Variants in XKR3 observed in about 807,000 individuals in gnomAD.
XKR3 encodes the protein XK-related protein 3.
XKR3 carries 27 observed loss-of-function variants against 40.3 expected under a neutral mutation model. The ratio of observed to expected loss-of-function variants is 0.67; its 90% CI spans 0.49 to 0.92. XKR3 has a LOEUF of 0.92. XKR3 is among the 40% of genes least tolerant of loss of function. The pLI is 0.00. For missense variants in XKR3, 472 were observed against 537.6 expected, an observed-to-expected ratio of 0.88 and a Z score of 1.21; for synonymous variants, 193 against 195.4, an observed-to-expected ratio of 0.99 and a Z score of 0.10.
intron 3 of XKR3, among the ~76,000 whole-genome samples, chr22:16,799,275 A>T (rs983311797): frequency 6.6e-6 from 1 of 151,478 alleles, no homozygotes; most frequent in Admixed American, 6.6e-5. Context: ...TTAGTCGGGC[A>T]TGGTGGCGGG....
At chr22:16,787,065 A>G (rs1269954850) in intron 3 of XKR3, among the ~76,000 whole-genome samples, 2 of 152,328 alleles carry the variant, frequency 1.3e-5, no homozygotes, top group African/African-American at 4.8e-5. Context: ...AATGGGAGGA[A>G]AAAACTAATA....
intron 2 of XKR3, among the ~76,000 whole-genome samples, chr22:16,800,771 A>G: frequency 6.6e-6 from 1 of 152,204 alleles, no homozygotes; most frequent in Middle Eastern, 3.2e-3. Flanking sequence ...GATACCATGA[A>G]TAAGAAGCAC....
At chr22:16,816,523 C>T (rs1159177692) in intron 1 of XKR3, among the ~76,000 whole-genome samples, 1 of 151,362 alleles carries the variant, frequency 6.6e-6, no homozygotes, top group Non-Finnish European at 1.5e-5. Flanking sequence ...AAAAAAAAAC[C>T]CACACAAATT....
At chr22:16,800,484 C>G (rs898993320) in intron 2 of XKR3, among the ~76,000 whole-genome samples, 11 of 152,082 alleles carry the variant, frequency 7.2e-5, no homozygotes, top group Non-Finnish European at 1.3e-4. Context: ...TGTCAACTGC[C>G]TCAAAGGAAG....
intron 3 of XKR3, among the ~76,000 whole-genome samples, chr22:16,791,768 GGAGAGAGAGGGAGAGAGAGAGA>G (rs1473195567): frequency 6.6e-5 from 4 of 60,360 alleles, no homozygotes; most frequent in Non-Finnish European, 1.2e-4. Context: ...AGGGAGAGAG[GGAGAGAGAGGGAGAGAGAGAGA>G]GAGAGAGAGA....
At chr22:16,817,024 C>A (rs1414740945) in intron 1 of XKR3, among the ~76,000 whole-genome samples, 4 of 151,902 alleles carry the variant, frequency 2.6e-5, no homozygotes, top group Admixed American at 6.6e-5. Flanking sequence ...TGTATTTTCC[C>A]CCACAACTGG....
At chr22:16,791,676 T>TA (rs1162478352) in intron 3 of XKR3, among the ~76,000 whole-genome samples, 29 of 130,352 alleles carry the variant, frequency 2.2e-4, no homozygotes, top group East Asian at 6.6e-4. Flanking sequence ...CCTGTCGATG[T>TA]AAAAAAAAAA....
At chr22:16,816,222 G>C (rs183677084) in intron 1 of XKR3, among the ~76,000 whole-genome samples, 1 of 151,724 alleles carries the variant, frequency 6.6e-6, no homozygotes, top group Non-Finnish European at 1.5e-5. Context: ...AAGATTTTCT[G>C]TCTCTGCCTT....
intron 3 of XKR3, among the ~76,000 whole-genome samples, chr22:16,796,473 C>T (rs1211782148): frequency 1.3e-5 from 2 of 152,192 alleles, no homozygotes; most frequent in African/African-American, 4.8e-5. Context: ...TCTCAGCAAA[C>T]TGGATCTCAC....
At chr22:16,795,693 A>T (rs2146150533) in intron 3 of XKR3, among the ~76,000 whole-genome samples, 1 of 152,310 alleles carries the variant, frequency 6.6e-6, no homozygotes, top group South Asian at 2.1e-4. Flanking sequence ...AAGGCTGCGT[A>T]TGATGACTCA....
chr22:16,795,148 C>T (rs1216868215), intron 3 of XKR3, among the ~76,000 whole-genome samples: 3 of 152,144 alleles, frequency 2.0e-5, no homozygotes, highest in Non-Finnish European at 4.4e-5. Flanking sequence ...GGACTCTGAG[C>T]AATTTACTAA....
intron 3 of XKR3, among the ~76,000 whole-genome samples, chr22:16,788,212 C>T (rs2060099226): frequency 6.6e-6 from 1 of 152,022 alleles, no homozygotes; most frequent in Non-Finnish European, 1.5e-5. Flanking sequence ...TCAATGAAGA[C>T]ATTACACAGA....
In XKR3 at chr22:16,801,975, T is replaced by C. The variant is rs2060171256; in HGVS notation, c.336-1951A>G. Among the ~76,000 whole-genome samples, 3 of 152,180 alleles carry C rather than the reference T, an allele frequency of 2.0e-5. No individual in the cohort carries two copies. The South Asian group carries it at 6.2e-4, about 31-fold the overall frequency. The stretch of plus-strand genomic sequence containing the variant: ...TTCCAAAAAGGAGACATTGTTAAAA[T>C]TTATAAAAAATCATTAATGTAAGTA... On this transcript the variant is annotated intron_variant, in intron 2 of 3. Transcript: ENST00000684488.
chr22:16,787,573 A>T lies in XKR3; in HGVS notation c.590-3164T>A, dbSNP rs1266275119. Among the ~76,000 whole-genome samples the T allele has an allele frequency of 4.4e-4, 67 of 152,146 alleles. No homozygotes were observed. In the East Asian group the frequency reaches 0.012, roughly 26 times the overall value. On this transcript the variant is annotated intron_variant, in intron 3 of 3. Transcript: ENST00000684488. ...AAACTCCGTCTCAAATTAAAAAAAA[A>T]AAAAATAAGCGTATTGTAGGAAAAA...
intron 1 of XKR3, among the ~76,000 whole-genome samples, chr22:16,818,750 C>T (rs139261672): frequency 6.6e-6 from 1 of 152,212 alleles, no homozygotes; most frequent in African/African-American, 2.4e-5. Context: ...TTCCAATTCC[C>T]TAACCAGTGT....
At chr22:16,806,857 A>G (rs771370907) in intron 2 of XKR3, among the ~76,000 whole-genome samples, 8 of 152,252 alleles carry the variant, frequency 5.3e-5, no homozygotes, top group African/African-American at 1.2e-4. Flanking sequence ...CCTAAAAAAT[A>G]TAAAAACTTC....
chr22:16,797,792 C>CA (rs558060655), intron 3 of XKR3, among the ~76,000 whole-genome samples: 20,942 of 87,786 alleles, frequency 0.24, 2,094 homozygotes, highest in Middle Eastern at 0.32. Flanking sequence ...GACTCTGTCT[C>CA]AAAAAAAAAA....
Position 16,799,809 on chromosome 22 carries a change from T to G in XKR3, c.551A>C (p.Tyr184Ser), listed in dbSNP as rs1343241502. 6.2e-7 allele frequency: 1 copy of G among 1,613,996 alleles called. No individual in the cohort carries two copies. The highest frequency in any genetic ancestry group is 2.2e-5 in the East Asian group (1 of 44,864). The part of the protein sequence containing the change: ...GSVPQLILQM[Y>S]ISLTIREWPL... Reference sequence around the variant, plus strand: ...CCATTCTCGTATAGTGAGACTGATATACATCTGCAAAATTAATTGTGGAAC... The same window carrying G: ...CCATTCTCGTATAGTGAGACTGATAGACATCTGCAAAATTAATTGTGGAAC... Residue 184 changes from tyrosine (Y) to serine (S), a missense_variant, in exon 3 of 4, where the codon TAT becomes TCT. Tyr to Ser is a moderately radical substitution (Grantham distance 144, BLOSUM62 -2). Coordinates refer to ENST00000684488, the MANE Select transcript of XKR3 (RefSeq NM_001386955.1).
At chr22:16,787,869 GA>G (rs1173011233) in intron 3 of XKR3, among the ~76,000 whole-genome samples, 8 of 151,796 alleles carry the variant, frequency 5.3e-5, no homozygotes, top group Non-Finnish European at 1.0e-4. Flanking sequence ...TGCAAAGGGA[GA>G]AAAAAACTAC....
Sources: allele counts gnomAD v4.1 joint callset (sites outside exome capture counted in the v4.1 genomes callset), GRCh38; gene constraint gnomAD v4.1.1; transcripts MANE v1.5; gene names NCBI Gene and HGNC (gene_info 2026-07-23, HGNC 2026-07-21).